RAD51B: variants seen among roughly 807,000 people sequenced by gnomAD.
RAD51B encodes the protein DNA repair protein RAD51 homolog 2.
A neutral mutation model predicts 42.2 loss-of-function variants in RAD51B; 38 were observed. The observed-to-expected ratio is 0.90, with a 90% CI of 0.70 to 1.18. The LOEUF (loss-of-function observed/expected upper bound fraction) is 1.18, where lower values mean the gene tolerates loss of function less well. RAD51B is among the 50% of genes most tolerant of loss of function. RAD51B has a pLI of 0.00. For missense variants in RAD51B, 373 were observed against 400.7 expected (o/e 0.93, Z 0.59); for synonymous variants, 154 against 145.2 (o/e 1.06, Z -0.43).
intron 7 of RAD51B, among the ~76,000 whole-genome samples, chr14:68,005,160 TCTC>T (rs961984151): frequency 1.3e-5 from 2 of 149,536 alleles, no homozygotes; most frequent in Admixed American, 6.7e-5. Flanking sequence ...TTCAAACAAT[TCTC>T]CTGCCTCAGG....
At position 67,982,660 on chromosome 14, in the gene RAD51B, T is replaced by C. The variant is rs185925852; in HGVS notation, c.756+95456T>C. On this transcript the variant is annotated intron_variant, in intron 7 of 10. Transcript: ENST00000471583. ...TTTTTTGAAAAACTATCATAGGCCA[T>C]CTCAATCTTTATCTATCAATATTTT... Among the ~76,000 whole-genome samples, 9 of 152,270 alleles carry C rather than the reference T, an allele frequency of 5.9e-5. No individual in the cohort carries two copies. The East Asian group carries it at 1.7e-3, about 29-fold the overall frequency.
chr14:68,627,727 T>TAG (rs1892121512), intron 10 of RAD51B, among the ~76,000 whole-genome samples: 1 of 152,138 alleles, frequency 6.6e-6, no homozygotes, highest in Non-Finnish European at 1.5e-5. Flanking sequence ...TCCCCCCAAC[T>TAG]CACTCCTAGT....
chr14:68,418,833 G>C (rs936015679), intron 9 of RAD51B, among the ~76,000 whole-genome samples: 1 of 152,166 alleles, frequency 6.6e-6, no homozygotes, highest in East Asian at 1.9e-4. Context: ...AACCTCATTG[G>C]CTAGGGAAAG....
chr14:68,320,111 C>G (rs760358245), intron 8 of RAD51B, among the ~76,000 whole-genome samples: 1 of 152,194 alleles, frequency 6.6e-6, no homozygotes, highest in African/African-American at 2.4e-5. Flanking sequence ...CCTCTCCCTC[C>G]CCAAGCCCCC....
intron 10 of RAD51B, among the ~76,000 whole-genome samples, chr14:68,608,682 C>T (rs1566953828): frequency 6.6e-6 from 1 of 152,194 alleles, no homozygotes; most frequent in Non-Finnish European, 1.5e-5. Context: ...CAGGCATCAG[C>T]ACCTCAGCCC....
intron 7 of RAD51B, among the ~76,000 whole-genome samples, chr14:68,136,139 G>A (rs2078004410): frequency 6.6e-6 from 1 of 152,150 alleles, no homozygotes; most frequent in Non-Finnish European, 1.5e-5. Flanking sequence ...TTCCAAAACA[G>A]GATCTAGACT....
intron 7 of RAD51B, among the ~76,000 whole-genome samples, chr14:67,980,502 A>C (rs2075072287): frequency 6.6e-6 from 1 of 152,210 alleles, no homozygotes; most frequent in Admixed American, 6.5e-5. Context: ...TTTAAGACTT[A>C]TAAAGCTAGA....
intron 7 of RAD51B, among the ~76,000 whole-genome samples, chr14:67,958,226 A>C (rs1184917655): frequency 6.6e-6 from 1 of 152,184 alleles, no homozygotes; most frequent in Non-Finnish European, 1.5e-5. Flanking sequence ...CTATATATGA[A>C]GCTTTATTTT....
chr14:67,996,412 T>TAATAAATAAATA (rs139583137), intron 7 of RAD51B, among the ~76,000 whole-genome samples: 4 of 147,378 alleles, frequency 2.7e-5, no homozygotes, highest in Admixed American at 6.8e-5. Context: ...ATAACAACAA[T>TAATAAATAAATA]AATAAATAAA....
At chr14:68,673,905 C>T (rs2140157519) in intron 11 of RAD51B, among the ~76,000 whole-genome samples, 1 of 148,640 alleles carries the variant, frequency 6.7e-6, no homozygotes, top group South Asian at 2.1e-4. Flanking sequence ...CACACACATA[C>T]TGTACACACA....
At chr14:68,296,673 G>A (rs1488915815) in intron 8 of RAD51B, among the ~76,000 whole-genome samples, 1 of 152,192 alleles carries the variant, frequency 6.6e-6, no homozygotes, top group Non-Finnish European at 1.5e-5. Context: ...GTGCAAGATT[G>A]AAGCTATAGA....
At chr14:68,222,989 C>T (rs1187168911) in intron 7 of RAD51B, among the ~76,000 whole-genome samples, 2 of 152,148 alleles carry the variant, frequency 1.3e-5, no homozygotes, top group African/African-American at 4.8e-5. Context: ...GAGCTCCAGC[C>T]CCACGTGTCC....
chr14:68,369,394 CCTT>C (rs1485356115), intron 8 of RAD51B, among the ~76,000 whole-genome samples: 4 of 152,194 alleles, frequency 2.6e-5, no homozygotes, highest in African/African-American at 9.7e-5. Context: ...ATTATGGAAA[CCTT>C]CCGTGAGAAA....
intron 8 of RAD51B, among the ~76,000 whole-genome samples, chr14:68,377,918 G>GT (rs906619002): frequency 5.3e-5 from 8 of 151,624 alleles, no homozygotes; most frequent in South Asian, 2.1e-4. Flanking sequence ...TTTTTATGAA[G>GT]TTTTTTTTTA....
chr14:68,490,736 C>T (rs1250064216), intron 10 of RAD51B, among the ~76,000 whole-genome samples: 10 of 151,990 alleles, frequency 6.6e-5, no homozygotes, highest in Non-Finnish European at 1.0e-4. Context: ...CAACAAAGAG[C>T]GTGGGGTATG....
At chr14:68,593,020 A>G (rs531653303) in intron 10 of RAD51B, among the ~76,000 whole-genome samples, 3 of 152,308 alleles carry the variant, frequency 2.0e-5, no homozygotes, top group African/African-American at 7.2e-5. Context: ...CCAGGTCTCT[A>G]GAGAAGGAAC....
intron 7 of RAD51B, among the ~76,000 whole-genome samples, chr14:68,131,938 A>G (rs977260809): frequency 3.9e-5 from 6 of 152,244 alleles, no homozygotes; most frequent in African/African-American, 1.4e-4. Context: ...TTGTTTAATT[A>G]TATAAACTAA....
At chr14:67,864,684 G>T in intron 4 of RAD51B, 1 of 441,878 alleles carries the variant, frequency 2.3e-6, no homozygotes, top group Non-Finnish European at 4.5e-6. Context: ...AGTTATGATG[G>T]TATAAATGAG....
rs531864412 is a variant in RAD51B, at chr14:68,584,740, C to T, written c.1037-9745C>T. ...CTTTATCACCTGTATTGTTTACCAC[C>T]TGGACCCAACATTTGGCCCATGAAT... On this transcript the variant is annotated intron_variant, in intron 10 of 10. Transcript: ENST00000487270. 1.6e-4 allele frequency among the ~76,000 whole-genome samples: 24 copies of T among 152,348 alleles called. No homozygotes were observed. The South Asian group carries it at 4.6e-3, about 29-fold the overall frequency.
Sources: allele counts gnomAD v4.1 joint callset (sites outside exome capture counted in the v4.1 genomes callset), GRCh38; gene constraint gnomAD v4.1.1; transcripts MANE v1.5; gene names NCBI Gene and HGNC (gene_info 2026-07-23, HGNC 2026-07-21).